RBM19: variants seen among roughly 807,000 people sequenced by gnomAD.
The protein encoded by RBM19 is probable RNA-binding protein 19.
Under a neutral mutation model 116.8 loss-of-function variants are expected in RBM19, and 94 were observed. That is an observed-to-expected ratio of 0.80 (90% CI 0.68 to 0.95). The LOEUF (loss-of-function observed/expected upper bound fraction) is 0.95. Among genes scored for constraint, RBM19 ranks in the 40% least tolerant of loss-of-function variants. RBM19 has a pLI of 0.00. For synonymous variants in RBM19, 475 were observed against 494.1 expected, an observed-to-expected ratio of 0.96 and a Z score of 0.51; for missense variants, 1,161 against 1,220.7, an observed-to-expected ratio of 0.95 and a Z score of 0.73.
intron 15 of RBM19, chr12:113,937,347 A>T: frequency 2.1e-6 from 1 of 469,080 alleles, no homozygotes; most frequent in Non-Finnish European, 3.7e-6. Flanking sequence ...AGGGTGCAGG[A>T]GAGAGGCTTT....
chr12:113,860,805 G>T (rs556171213), intron 21 of RBM19, among the ~76,000 whole-genome samples: 1 of 152,144 alleles, frequency 6.6e-6, no homozygotes, highest in Non-Finnish European at 1.5e-5. Flanking sequence ...GCTCAGCTCC[G>T]CAAGAGTCCA....
chr12:113,940,283 C>A (rs552930410), intron 14 of RBM19, 123 bp from the exon 15 acceptor site: 2 of 1,024,090 alleles, frequency 2.0e-6, no homozygotes, highest in South Asian at 3.1e-5. Flanking sequence ...CAACCAGGCA[C>A]TTAGGAGGAA....
At position 113,927,242 on chromosome 12, in the gene RBM19, CAAAACAAAAACA is replaced by C; in HGVS notation, c.2069-25_2069-14del. The C allele has an allele frequency of 2.6e-6, 4 of 1,542,578 alleles. No individual in the cohort carries two copies. Among genetic ancestry groups the C allele is most frequent in the East Asian group, 2.4e-5 (1 of 41,028 alleles). On this transcript the variant is annotated splice_polypyrimidine_tract_variant and intron_variant, in intron 16 of 23. Coordinates refer to ENST00000261741, the MANE Select transcript of RBM19 (RefSeq NM_016196.4). ...TCGCCATCAGGCACTGAACCCCCAT[CAAAACAAAAACA>C]AAAACAAAAACATCAAATCCATGAA...
chr12:113,936,118 T>TA (rs548286094), intron 16 of RBM19, among the ~76,000 whole-genome samples: 82 of 151,358 alleles, frequency 5.4e-4, no homozygotes, highest in South Asian at 2.5e-3. Flanking sequence ...AAATGTCCTT[T>TA]AAAAAAAAAT....
intron 2 of RBM19, 117 bp from the exon 3 acceptor site, chr12:113,960,295 G>T: frequency 7.1e-7 from 1 of 1,398,960 alleles, no homozygotes; most frequent in Non-Finnish European, 9.9e-7. Flanking sequence ...AGCTGAGTTT[G>T]CTGAAGTAGA....
At chr12:113,887,035 T>A (rs1353566518) in intron 21 of RBM19, among the ~76,000 whole-genome samples, 2 of 152,234 alleles carry the variant, frequency 1.3e-5, no homozygotes, top group African/African-American at 4.8e-5. Context: ...TTTACATTTT[T>A]AAAATATTTT....
At chr12:113,957,709 G>A (rs775693035) in intron 6 of RBM19, 73 bp downstream of exon 6, 43 of 1,507,034 alleles carry the variant, frequency 2.9e-5, no homozygotes, top group Non-Finnish European at 3.8e-5. Flanking sequence ...TCTCCTAACA[G>A]AGGAGCTGTG....
intron 16 of RBM19, chr12:113,932,619 G>A (rs1013980717): frequency 6.6e-6 from 1 of 152,232 alleles, no homozygotes; most frequent in Non-Finnish European, 1.5e-5. Context: ...CCAGAGAGGC[G>A]TGGAGACAGC....
intron 21 of RBM19, among the ~76,000 whole-genome samples, chr12:113,888,352 C>T (rs760757188): frequency 6.6e-6 from 1 of 152,180 alleles, no homozygotes; most frequent in Non-Finnish European, 1.5e-5. Flanking sequence ...TGCTTTGCAA[C>T]CACTTTGTAG....
At chr12:113,942,551 G>T in intron 13 of RBM19, 117 bp from the exon 14 acceptor site, 1 of 759,392 alleles carries the variant, frequency 1.3e-6, no homozygotes, top group Non-Finnish European at 2.1e-6. Context: ...CACGGATGCC[G>T]CTCACCTTCC....
intron 23 of RBM19, among the ~76,000 whole-genome samples, chr12:113,830,570 C>CGGGGGGGGG (rs869235673): frequency 3.8e-4 from 3 of 7,846 alleles, no homozygotes; most frequent in African/African-American, 1.1e-3. Context: ...GCTAGGGCTG[C>CGGGGGGGGG]GGGGCGGGGG....
chr12:113,920,325 G>A (rs922230533), intron 19 of RBM19, among the ~76,000 whole-genome samples: 8 of 152,178 alleles, frequency 5.3e-5, no homozygotes, highest in Non-Finnish European at 1.0e-4. Flanking sequence ...CCAGAAAGAG[G>A]GGCCCACGTG....
chr12:113,894,434 C>A (rs1299400616), intron 21 of RBM19, among the ~76,000 whole-genome samples: 1 of 152,170 alleles, frequency 6.6e-6, no homozygotes, highest in Non-Finnish European at 1.5e-5. Flanking sequence ...GCTGTCAGAA[C>A]CCCTGGCACC....
At chr12:113,835,742 G>A (rs1875822049) in intron 23 of RBM19, among the ~76,000 whole-genome samples, 1 of 152,240 alleles carries the variant, frequency 6.6e-6, no homozygotes, top group Non-Finnish European at 1.5e-5. Flanking sequence ...GGCGGGGGAA[G>A]GCCCCACTGC....
At chr12:113,835,150 C>T (rs569267333) in intron 23 of RBM19, among the ~76,000 whole-genome samples, 95 of 152,264 alleles carry the variant, frequency 6.2e-4, no homozygotes, top group Non-Finnish European at 1.2e-3. Context: ...TTTCTGAGCC[C>T]GGCTTCCTTC....
intron 22 of RBM19, among the ~76,000 whole-genome samples, chr12:113,845,077 G>C (rs1008944404): frequency 2.6e-5 from 4 of 152,314 alleles, no homozygotes; most frequent in Admixed American, 1.3e-4. Flanking sequence ...TGTGTCATCC[G>C]ATCTGTGGAG....
Position 113,924,728 on chromosome 12 carries a change from G to A in RBM19, c.2274C>T (p.Ser758=), listed in dbSNP as rs921561926. Residue 758 remains serine (S), a synonymous_variant, in exon 18 of 24, where the codon AGC becomes AGT. Transcript: ENST00000261741. ...EVFSKVGTVK[S]CSISKKKNKA... is the part of the protein sequence containing the mutation. ...TGTTCTTCTTCTTGGAGATGGAGCA[G>A]CTCTTCACTGTCCCCACTTTTGAAA... The A allele has an allele frequency of 1.1e-5, 17 of 1,553,442 alleles. No individual in the cohort carries two copies. The highest frequency in any genetic ancestry group is 1.5e-5 in the Non-Finnish European group (17 of 1,125,076).
chr12:113,905,749 T>C (rs894294003), intron 21 of RBM19, among the ~76,000 whole-genome samples: 1 of 151,440 alleles, frequency 6.6e-6, no homozygotes, highest in Admixed American at 6.6e-5. Flanking sequence ...AAAAGAAAAA[T>C]AAATTTAAAA....
intron 20 of RBM19, among the ~76,000 whole-genome samples, chr12:113,916,315 G>A (rs1246239814): frequency 2.0e-5 from 3 of 152,196 alleles, no homozygotes; most frequent in South Asian, 4.1e-4. Flanking sequence ...GCTGAGGCAC[G>A]AGAATTGCTT....
Sources: gnomAD v4.1 joint callset for allele counts (sites outside exome capture counted in the v4.1 genomes callset) on GRCh38, gnomAD v4.1.1 for gene constraint, MANE v1.5 for transcripts, NCBI Gene and HGNC (gene_info 2026-07-23, HGNC 2026-07-21) for gene names.